The following ATG4B variants were observed in gnomAD, a reference collection of about 807,000 sequenced individuals.
The protein encoded by ATG4B is cysteine protease ATG4B.
Under a neutral mutation model 56.6 loss-of-function variants are expected in ATG4B, and 29 were observed. The observed-to-expected ratio is 0.51, with a 90% CI of 0.38 to 0.70. The LOEUF (loss-of-function observed/expected upper bound fraction) is 0.70. Among genes scored for constraint, ATG4B ranks in the 30% least tolerant of loss-of-function variants. ATG4B has a pLI of 0.00. For missense variants in ATG4B, 461 were observed against 515.5 expected, an observed-to-expected ratio of 0.89 and a Z score of 1.02; for synonymous variants, 224 against 206.1, an observed-to-expected ratio of 1.09 and a Z score of -0.74.
intron 1 of ATG4B, among the ~76,000 whole-genome samples, chr2:241,638,906 C>A (rs1286148764): frequency 6.6e-6 from 1 of 152,184 alleles, no homozygotes; most frequent in Non-Finnish European, 1.5e-5. Flanking sequence ...TGTATTATAT[C>A]TTTTTAGGTG....
chr2:241,647,482 G>A (rs6437271), intron 1 of ATG4B, among the ~76,000 whole-genome samples: 75,980 of 151,686 alleles, frequency 0.5, 19,407 homozygotes, highest in East Asian at 0.8. Flanking sequence ...TTAGCCAGGC[G>A]TGGTGGCGGG....
intron 8 of ATG4B, among the ~76,000 whole-genome samples, chr2:241,667,526 C>T (rs1251649382): frequency 1.3e-5 from 2 of 151,458 alleles, no homozygotes; most frequent in African/African-American, 4.9e-5. Context: ...ATCTCTTGAA[C>T]CCAGGAGGCG....
rs926321535 is a variant in ATG4B at position 241,671,624 on chromosome 2, C to T, written c.1108+219C>T. The T allele has an allele frequency of 1.2e-5, 18 of 1,482,894 alleles. 1 individual carries two copies. The South Asian group carries it at 1.8e-4, about 15-fold the overall frequency. 91.9% of individuals were successfully genotyped at this position (1,482,894 alleles called of 1,614,324 possible). A position where few individuals can be genotyped will look rare whatever the true frequency, so the allele number is the denominator to read the frequency against. On this transcript the variant is annotated intron_variant, in intron 12 of 12. Transcript: ENST00000404914. ...GGACCCACCTCGTCTTCCCCACCAG[C>T]GCTGCCTGCCCGGGCGCTGTGGAGC... is the stretch of plus-strand genomic sequence containing the variant.
At chr2:241,660,863 C>T (rs1342853944) in intron 7 of ATG4B, among the ~76,000 whole-genome samples, 1 of 152,174 alleles carries the variant, frequency 6.6e-6, no homozygotes, top group Non-Finnish European at 1.5e-5. Flanking sequence ...CACGCGTGCT[C>T]AGGATCTCAC....
chr2:241,645,385 A>ATCTTTAC (rs2068032695), intron 1 of ATG4B, among the ~76,000 whole-genome samples: 1 of 152,182 alleles, frequency 6.6e-6, no homozygotes, highest in African/African-American at 2.4e-5. Flanking sequence ...CAGTGTTAGT[A>ATCTTTAC]AAGAGACTCA....
Position 241,672,195 on chromosome 2 carries a change from T to G in ATG4B, c.1113T>G (p.Ser371=). 6.3e-7 allele frequency: 1 copy of G among 1,578,950 alleles called. No homozygotes were observed. Among genetic ancestry groups the G allele is most frequent in the Non-Finnish European group, 8.6e-7 (1 of 1,161,884 alleles). The change falls in exon 13 of 13, where the codon TCT becomes TCG. Residue 371 remains serine, a synonymous_variant. Coordinates refer to ENST00000404914, the MANE Select transcript of ATG4B (RefSeq NM_013325.5). ...CPDVLNLSLD[S]SDVERLERFF... is the part of the protein sequence containing the mutation. ...GCTATGTCCTGTTCCTTCTAGATTC[T>G]TCTGATGTAGAGCGACTGGAAAGAT...
intron 1 of ATG4B, among the ~76,000 whole-genome samples, chr2:241,638,961 A>T (rs973286602): frequency 2.6e-5 from 4 of 152,254 alleles, no homozygotes; most frequent in African/African-American, 9.6e-5. Flanking sequence ...TCTGGCAGCC[A>T]GAGACCTCCG....
intron 6 of ATG4B, among the ~76,000 whole-genome samples, chr2:241,658,618 C>T (rs1012136491): frequency 4.7e-5 from 7 of 150,470 alleles, no homozygotes; most frequent in African/African-American, 1.7e-4. Flanking sequence ...GCCATGGTTC[C>T]TCCTCACTGG....
At position 241,651,176 on chromosome 2, in the gene ATG4B, C is replaced by T; in HGVS notation, c.112+65C>T. The T allele has an allele frequency of 6.4e-7, 1 of 1,557,700 alleles. No individual in the cohort carries two copies. Among genetic ancestry groups the T allele is most frequent in the Non-Finnish European group, 8.8e-7 (1 of 1,142,304 alleles). ...GGCCTGCAGAAGCATTTTGTGATCA[C>T]TGTTCTCTGCTAACTCTGCCATAAC... On this transcript the variant is annotated intron_variant, in intron 2 of 12. Coordinates refer to ENST00000404914, the MANE Select transcript of ATG4B (RefSeq NM_013325.5). This position sits in a 1 kb window ranked among gnomAD's most constrained non-coding sequence, Gnocchi z 4.1.
rs1271254268 is a variant in ATG4B, at chr2:241,637,709, G to A, written c.-6G>A. The A allele has an allele frequency of 1.3e-6, 2 of 1,583,260 alleles. No homozygotes were observed. Among genetic ancestry groups the A allele is most frequent in the Non-Finnish European group, 1.7e-6 (2 of 1,167,656 alleles). On this transcript the variant is annotated 5_prime_UTR_variant, in exon 1 of 13. Transcript: ENST00000404914. The stretch of plus-strand genomic sequence containing the variant: ...GCTCGGGTCAGTCGGCGGCCGGACT[G>A]GGAAGATGGACGCAGGTGAGGAGTT...
rs1422877109 is a variant in ATG4B, at chr2:241,666,649, G to A, written c.543G>A (p.Arg181=). ...DNTVVMEEIR[R]LCRTSVPCAG... ...AAAGCATGTCTCCCTTTCTAGGAAG[G>A]TTGTGCAGGACCAGCGTTCCCTGTG... Residue 181 remains arginine, a synonymous_variant, in exon 8 of 13, where the codon AGG becomes AGA. Coordinates refer to ENST00000404914, the MANE Select transcript of ATG4B (RefSeq NM_013325.5). 5.0e-6 allele frequency: 8 copies of A among 1,613,266 alleles called. No individual in the cohort carries two copies. Among genetic ancestry groups the A allele is most frequent in the Non-Finnish European group, 6.8e-6 (8 of 1,179,808 alleles).
intron 12 of ATG4B, chr2:241,671,749 C>T: frequency 7.7e-7 from 1 of 1,302,694 alleles, no homozygotes; most frequent in Non-Finnish European, 9.9e-7. Context: ...CACTTGGGCA[C>T]CACTGGCCAT....
In ATG4B at chr2:241,643,692, TTTC is replaced by T. The variant is rs1559248150; in HGVS notation, c.10+5969_10+5971del. The stretch of plus-strand genomic sequence containing the variant: ...TGTGTGTGTGTGTGTATGTATATAT[TTTC>T]CCCCCCCCCCGTCGTCCAGGCTGGA... On this transcript the variant is annotated intron_variant, in intron 1 of 12. Coordinates refer to ENST00000404914, the MANE Select transcript of ATG4B (RefSeq NM_013325.5). 4.7e-4 allele frequency among the ~76,000 whole-genome samples: 43 copies of T among 91,174 alleles called. 2 individuals are homozygous for T. Among genetic ancestry groups the T allele is most frequent in the Admixed American group, 9.7e-4 (9 of 9,324 alleles). 59.8% of individuals were successfully genotyped at this position (91,174 alleles called of 152,430 possible). A position where few individuals can be genotyped will look rare whatever the true frequency, so the allele number is the denominator to read the frequency against.
chr2:241,656,307 C>T (rs2068402223), intron 6 of ATG4B, among the ~76,000 whole-genome samples: 1 of 152,158 alleles, frequency 6.6e-6, no homozygotes, highest in South Asian at 2.1e-4. Flanking sequence ...CACCCGCGTC[C>T]CACGTCACCC....
intron 1 of ATG4B, among the ~76,000 whole-genome samples, chr2:241,642,048 A>T (rs974482546): frequency 6.6e-6 from 1 of 152,008 alleles, no homozygotes; most frequent in African/African-American, 2.4e-5. Flanking sequence ...AAAAAACAGA[A>T]CTTGAATTAA....
At chr2:241,665,863 C>CCTGTCACCTGT (rs1186196977) in intron 7 of ATG4B, among the ~76,000 whole-genome samples, 1 of 152,212 alleles carries the variant, frequency 6.6e-6, no homozygotes, top group Non-Finnish European at 1.5e-5. Context: ...CAGTGTGCTA[C>CCTGTCACCTGT]CTGTCACCTG....
chr2:241,647,776 T>G (rs1451532758), intron 1 of ATG4B, among the ~76,000 whole-genome samples: 7 of 152,158 alleles, frequency 4.6e-5, no homozygotes, highest in African/African-American at 1.7e-4. Context: ...GGAGTGGCTT[T>G]AGAGAGGTAG....
At position 241,651,452 on chromosome 2, in the gene ATG4B, A is replaced by G. The variant is rs2068228109; in HGVS notation, c.184+117A>G. Reference sequence around the variant, plus strand: ...TGACTTCATTTGAATCTTCACAGCAATCCTGCTTAACTGAATTGGCCGAGG... The same window carrying G: ...TGACTTCATTTGAATCTTCACAGCAGTCCTGCTTAACTGAATTGGCCGAGG... On this transcript the variant is annotated intron_variant, in intron 3 of 12. Coordinates refer to ENST00000404914, the MANE Select transcript of ATG4B (RefSeq NM_013325.5). This position sits in a 1 kb window ranked among gnomAD's most constrained non-coding sequence, Gnocchi z 4.1. 2.4e-6 allele frequency: 2 copies of G among 832,226 alleles called. No homozygotes were observed. The highest frequency in any genetic ancestry group is 2.6e-5 in the Admixed American group (1 of 38,558). The allele number at this position is 832,226 out of a possible 1,614,324, so 51.6% of individuals were successfully genotyped here.
At chr2:241,671,775 C>G in intron 12 of ATG4B, 1 of 1,283,678 alleles carries the variant, frequency 7.8e-7, no homozygotes, top group Non-Finnish European at 1.0e-6. Flanking sequence ...GCGTAGACCC[C>G]TCGGACCATG....
Sources: allele counts gnomAD v4.1 joint callset (sites outside exome capture counted in the v4.1 genomes callset), GRCh38; gene constraint gnomAD v4.1.1; non-coding constraint Gnocchi (gnomAD v3.1); transcripts MANE v1.5; gene names NCBI Gene and HGNC (gene_info 2026-07-23, HGNC 2026-07-21).